NEK4: variants seen among roughly 807,000 people sequenced by gnomAD.
The protein encoded by NEK4 is serine/threonine-protein kinase Nek4.
Under a neutral mutation model 98.4 loss-of-function variants are expected in NEK4, and 86 were observed. The observed-to-expected ratio is 0.87, with a 90% CI of 0.73 to 1.05. The LOEUF (loss-of-function observed/expected upper bound fraction) is 1.05, where lower values mean the gene tolerates loss of function less well. NEK4 is among the 50% of genes least tolerant of loss of function. The pLI is 0.00. For synonymous variants in NEK4, 328 were observed against 342.2 expected (o/e 0.96, Z 0.46); for missense variants, 898 against 950.3 (o/e 0.94, Z 0.72).
Position 52,739,651 on chromosome 3 carries a change from TC to T in NEK4, c.2094-18del. The T allele has an allele frequency of 1.3e-6, 2 of 1,594,048 alleles. No individual in the cohort carries two copies. Among genetic ancestry groups the T allele is most frequent in the African/African-American group, 1.3e-5 (1 of 74,468 alleles). On this transcript the variant is annotated intron_variant, in intron 13 of 15. Coordinates refer to ENST00000233027, the MANE Select transcript of NEK4 (RefSeq NM_003157.6). ...TGACCTTTCCTGGGGGAAAAAAATA[TC>T]CCTTTGTTATTTAATTGGCTTCATG...
chr3:52,751,832 A>G (rs916657113), intron 7 of NEK4, 100 bp downstream of exon 7: 2 of 1,153,562 alleles, frequency 1.7e-6, no homozygotes. Context: ...GATACATAGA[A>G]TTACTGATTT....
chr3:52,718,344 A>G (rs900778469), intron 15 of NEK4, among the ~76,000 whole-genome samples: 4 of 151,438 alleles, frequency 2.6e-5, no homozygotes, highest in African/African-American at 9.7e-5. Context: ...ATGGTGGCAG[A>G]CGCCAGTAAT....
chr3:52,748,340 C>G (rs538191622), intron 8 of NEK4, among the ~76,000 whole-genome samples: 1 of 152,062 alleles, frequency 6.6e-6, no homozygotes, highest in Non-Finnish European at 1.5e-5. Context: ...GCAGTGTTGA[C>G]AGGCAAAGAC....
chr3:52,711,162 T>C lies in NEK4; in HGVS notation c.*615A>G, dbSNP rs1435818096. ...TTACAAAGCCAATGTGTCTCAGTTT[T>C]AATTTGTATATACCCTAGATGAGGT... On this transcript the variant is annotated 3_prime_UTR_variant, in exon 16 of 16. Transcript: ENST00000233027. 1 of 152,510 alleles carries C rather than the reference T, an allele frequency of 6.6e-6. No homozygotes were observed. The highest frequency in any genetic ancestry group is 1.5e-5 in the Non-Finnish European group (1 of 68,030). The allele number at this position is 152,510 out of a possible 1,614,324, so 9.4% of individuals were successfully genotyped here.
chr3:52,755,696 T>C (rs1402220458), intron 6 of NEK4, among the ~76,000 whole-genome samples: 1 of 151,526 alleles, frequency 6.6e-6, no homozygotes, highest in Non-Finnish European at 1.5e-5. Context: ...CCAGAGCAAT[T>C]AGGCAAGGAA....
intron 7 of NEK4, among the ~76,000 whole-genome samples, chr3:52,750,505 C>A (rs185447255): frequency 6.6e-6 from 1 of 152,116 alleles, no homozygotes; most frequent in Non-Finnish European, 1.5e-5. Context: ...TGAGATCGTG[C>A]CACTGTACTC....
chr3:52,766,374 T>C lies in NEK4; in HGVS notation c.362A>G (p.Tyr121Cys), dbSNP rs766191472. ...ATGAAGGATGTGTTTTTCATGTAAA[T>C]ACTGAGGAAAGAAACAAGATTTTAT... The part of the protein sequence containing the change: ...WFVQIAMALQ[Y>C]LHEKHILHRD... The change falls in exon 3 of 16, where the codon TAT becomes TGT. Residue 121 changes from tyrosine to cysteine, a missense_variant and splice_region_variant. Coordinates refer to ENST00000233027, the MANE Select transcript of NEK4 (RefSeq NM_003157.6). 1.2e-6 allele frequency: 2 copies of C among 1,608,576 alleles called. No individual in the cohort carries two copies. The highest frequency in any genetic ancestry group is 1.1e-5 in the South Asian group (1 of 90,944).
rs543720282 is a variant in NEK4, at chr3:52,723,178, T to C, written c.2434-11309A>G. ...TATCACTGCACCACTGCACTCCAGA[T>C]AGAATGAGACCCTGTCTCAAAATAA... On this transcript the variant is annotated intron_variant, in intron 15 of 15. Coordinates refer to ENST00000233027, the MANE Select transcript of NEK4 (RefSeq NM_003157.6). 4.5e-4 allele frequency among the ~76,000 whole-genome samples: 69 copies of C among 152,012 alleles called. 1 individual carries two copies. The highest frequency in any genetic ancestry group is 8.7e-4 in the Non-Finnish European group (59 of 67,964).
intron 6 of NEK4, 71 bp downstream of exon 6, chr3:52,760,724 A>G (rs1382227080): frequency 4.0e-6 from 4 of 1,011,454 alleles, no homozygotes; most frequent in East Asian, 2.4e-5. Flanking sequence ...TTCACACAAA[A>G]TAATTTGCTT....
chr3:52,747,319 G>A (rs1048786327), intron 8 of NEK4: 3 of 182,378 alleles, frequency 1.6e-5, no homozygotes, highest in East Asian at 3.5e-4. Flanking sequence ...GCTGGGCATG[G>A]TGGCACGCAC....
At chr3:52,758,070 T>A (rs1698196312) in intron 6 of NEK4, among the ~76,000 whole-genome samples, 1 of 150,468 alleles carries the variant, frequency 6.6e-6, no homozygotes, top group Admixed American at 6.7e-5. Context: ...TCCCAGCTAT[T>A]CAGGGGGCTG....
intron 8 of NEK4, among the ~76,000 whole-genome samples, chr3:52,747,693 C>T (rs2097398615): frequency 6.6e-6 from 1 of 151,586 alleles, no homozygotes; most frequent in Non-Finnish European, 1.5e-5. Context: ...ACCTGTAATC[C>T]CAACACTCTG....
At chr3:52,751,540 G>A (rs1486248884) in intron 7 of NEK4, among the ~76,000 whole-genome samples, 4 of 151,642 alleles carry the variant, frequency 2.6e-5, no homozygotes, top group African/African-American at 9.7e-5. Flanking sequence ...AGAACTGCTT[G>A]AACCCAGGAG....
At chr3:52,723,558 T>C (rs2097361963) in intron 15 of NEK4, among the ~76,000 whole-genome samples, 1 of 151,950 alleles carries the variant, frequency 6.6e-6, no homozygotes, top group South Asian at 2.1e-4. Context: ...AAAGAAATTC[T>C]GAAGATGAAA....
intron 5 of NEK4, among the ~76,000 whole-genome samples, chr3:52,762,672 G>C (rs1559448483): frequency 6.6e-6 from 1 of 152,192 alleles, no homozygotes; most frequent in South Asian, 2.1e-4. Context: ...CACGAGGTCG[G>C]GAGTTCAAGA....
Position 52,743,349 on chromosome 3 carries a change from C to T in NEK4, c.2004+3G>A, listed in dbSNP as rs2097389934. 1 of 1,611,640 alleles carries T rather than the reference C, an allele frequency of 6.2e-7. No homozygotes were observed. The highest frequency in any genetic ancestry group is 8.5e-7 in the Non-Finnish European group (1 of 1,177,920). On this transcript the variant is annotated splice_donor_region_variant and intron_variant, in intron 12 of 15. Coordinates refer to ENST00000233027, the MANE Select transcript of NEK4 (RefSeq NM_003157.6). ...CCTTCTCTCTTAGGAGTACGTAATGCACCTGAGTGACGCTGCAGTCAGAGG... is the reference window on the plus strand; with the variant it reads ...CCTTCTCTCTTAGGAGTACGTAATGTACCTGAGTGACGCTGCAGTCAGAGG...
At chr3:52,716,144 C>T (rs1221879269) in intron 15 of NEK4, among the ~76,000 whole-genome samples, 2 of 152,320 alleles carry the variant, frequency 1.3e-5, no homozygotes, top group East Asian at 1.9e-4. Context: ...CCACACCCCT[C>T]GCCGCTCCAT....
chr3:52,755,295 T>C (rs542792306), intron 6 of NEK4, among the ~76,000 whole-genome samples: 1 of 152,082 alleles, frequency 6.6e-6, no homozygotes, highest in South Asian at 2.1e-4. Flanking sequence ...GGGTACCAAG[T>C]TTCTGTTTGA....
intron 15 of NEK4, among the ~76,000 whole-genome samples, chr3:52,717,805 T>C (rs2097356581): frequency 6.6e-6 from 1 of 152,132 alleles, no homozygotes; most frequent in Non-Finnish European, 1.5e-5. Context: ...ATTATTATTC[T>C]TTGAGACAGA....
Sources: allele counts gnomAD v4.1 joint callset (sites outside exome capture counted in the v4.1 genomes callset), GRCh38; gene constraint gnomAD v4.1.1; transcripts MANE v1.5; gene names NCBI Gene and HGNC (gene_info 2026-07-23, HGNC 2026-07-21).